The following CCDC160 variants were observed in gnomAD, a reference collection of about 807,000 sequenced individuals.
CCDC160 encodes coiled-coil domain containing 160.
For synonymous variants in CCDC160, 94 were observed against 79.4 expected, an observed-to-expected ratio of 1.18 and a Z score of -0.98; for missense variants, 227 against 215.6, an observed-to-expected ratio of 1.05 and a Z score of -0.33.
intron 1 of CCDC160, among the ~76,000 whole-genome samples, chrX:134,239,264 G>A (rs1479724340): frequency 8.9e-6 from 1 of 111,915 alleles, no homozygotes; most frequent in Non-Finnish European, 1.9e-5. Context: ...AAATGCCACA[G>A]AAGCACAGGA....
chrX:134,245,707 A>C, exon 2 of CCDC160: 2 of 1,194,737 alleles, frequency 1.7e-6, no homozygotes, highest in South Asian at 1.9e-5. Flanking sequence ...GGAGTTGCTT[A>C]GAAAATACTA....
intron 1 of CCDC160, among the ~76,000 whole-genome samples, chrX:134,239,351 C>T (rs2077020450): frequency 1.8e-5 from 2 of 111,923 alleles, no homozygotes; most frequent in African/African-American, 6.5e-5. Context: ...ATTGGTGCCT[C>T]TGAAATACAG....
At chrX:134,241,965 A>G (rs2077028723) in intron 1 of CCDC160, among the ~76,000 whole-genome samples, 2 of 112,165 alleles carry the variant, frequency 1.8e-5, no homozygotes, top group Non-Finnish European at 3.8e-5. Flanking sequence ...CTCGTTCTGC[A>G]TAAAAAAACA....
intron 1 of CCDC160, among the ~76,000 whole-genome samples, chrX:134,241,343 G>A: frequency 9.0e-6 from 1 of 111,070 alleles, no homozygotes; most frequent in East Asian, 2.8e-4. Flanking sequence ...TTTATCAGTG[G>A]TTCTCAAATT....
At chrX:134,240,135 G>A (rs1256179466) in intron 1 of CCDC160, among the ~76,000 whole-genome samples, 4 of 111,996 alleles carry the variant, frequency 3.6e-5, no homozygotes, top group Non-Finnish European at 7.5e-5. Flanking sequence ...GTAATGATGG[G>A]AGTGTTTTTG....
chrX:134,242,224 C>T (rs1472682917), intron 1 of CCDC160, among the ~76,000 whole-genome samples: 1 of 111,750 alleles, frequency 8.9e-6, no homozygotes, highest in Non-Finnish European at 1.9e-5. Context: ...TGCAGTTCTC[C>T]TTACCCTCCC....
downstream of CCDC160, among the ~76,000 whole-genome samples, chrX:134,246,598 C>T (rs1174961847): frequency 8.9e-6 from 1 of 112,131 alleles, no homozygotes; most frequent in Non-Finnish European, 1.9e-5. Context: ...TGGATGTCAT[C>T]TGGATAAACT....
exon 2 of CCDC160, chrX:134,244,973 A>G: frequency 1.7e-6 from 2 of 1,191,337 alleles, no homozygotes; most frequent in South Asian, 1.9e-5. Flanking sequence ...TTTCAGGAAG[A>G]AAGTAAATTT....
chrX:134,240,155 A>G (rs2077022720), intron 1 of CCDC160, among the ~76,000 whole-genome samples: 1 of 112,114 alleles, frequency 8.9e-6, no homozygotes, highest in African/African-American at 3.2e-5. Context: ...GTGTCTGGAA[A>G]CAGTGGAAGC....
At chrX:134,239,269 A>C (rs747707397) in intron 1 of CCDC160, among the ~76,000 whole-genome samples, 1 of 112,089 alleles carries the variant, frequency 8.9e-6, no homozygotes, top group Non-Finnish European at 1.9e-5. Flanking sequence ...CCACAGAAGC[A>C]CAGGAACAAT....
chrX:134,243,755 T>C (rs1423794093), intron 1 of CCDC160, among the ~76,000 whole-genome samples: 3 of 112,063 alleles, frequency 2.7e-5, no homozygotes, highest in Non-Finnish European at 5.6e-5. Flanking sequence ...TTTGGTGAAT[T>C]AATATATAAA....
Position 134,245,358 on chromosome X carries a change from C to T in CCDC160, c.558C>T (p.Pro186=), listed in dbSNP as rs763358898. The T allele has an allele frequency of 1.1e-5, 13 of 1,190,828 alleles. No individual in the cohort carries two copies. In the South Asian group the frequency reaches 2.3e-4, roughly 21 times the overall value. ...ACAAAAAAGAAATATTCACAAAACCCCTAAATTTTCAAGAAACAGAGACGG... is the reference window on the plus strand; with the variant it reads ...ACAAAAAAGAAATATTCACAAAACCTCTAAATTTTCAAGAAACAGAGACGG... The change falls in exon 2 of 2, where the codon CCC becomes CCT. Residue 186 remains proline (P), a synonymous_variant. Coordinates refer to ENST00000370809, the Ensembl canonical transcript of CCDC160.
intron 1 of CCDC160, among the ~76,000 whole-genome samples, chrX:134,242,091 A>G (rs2077029122): frequency 9.0e-6 from 1 of 111,257 alleles, no homozygotes; most frequent in South Asian, 3.8e-4. Flanking sequence ...CTTGCCAATG[A>G]AAGAGAGAAG....
chrX:134,243,321 G>A, intron 1 of CCDC160: 5 of 746,854 alleles, frequency 6.7e-6, no homozygotes, highest in Non-Finnish European at 7.9e-6. Flanking sequence ...TTTCCTCAAA[G>A]CCAAGTAGTT....
In CCDC160 at chrX:134,245,262, G is replaced by A. The variant is rs371886469; in HGVS notation, c.462G>A (p.Leu154=). The A allele has an allele frequency of 7.3e-4, 873 of 1,190,703 alleles. No individual in the cohort carries two copies. Among genetic ancestry groups the A allele is most frequent in the Middle Eastern group, 2.3e-3 (10 of 4,277 alleles). The change falls in exon 2 of 2, where the codon CTG becomes CTA. Residue 154 remains leucine (L), a synonymous_variant. Coordinates refer to ENST00000370809, the Ensembl canonical transcript of CCDC160. ...GCCTGAATCTTTTGAATGAAGAACTGGAAGAACTTAATATGAAATACAGAA... is the reference window on the plus strand; with the variant it reads ...GCCTGAATCTTTTGAATGAAGAACTAGAAGAACTTAATATGAAATACAGAA...
At chrX:134,239,828 C>T (rs961804524) in intron 1 of CCDC160, among the ~76,000 whole-genome samples, 6 of 111,743 alleles carry the variant, frequency 5.4e-5, no homozygotes, top group Non-Finnish European at 9.4e-5. Context: ...GGTATATTGT[C>T]CCTATTTTAC....
At chrX:134,241,177 T>C (rs1179945339) in intron 1 of CCDC160, among the ~76,000 whole-genome samples, 1 of 111,599 alleles carries the variant, frequency 9.0e-6, no homozygotes, top group Non-Finnish European at 1.9e-5. Context: ...TAAACAGTAG[T>C]GTATTATTTT....
At chrX:134,238,973 A>T (rs1422238275) in intron 1 of CCDC160, 133 bp downstream of exon 2, 1 of 112,108 alleles carries the variant, frequency 8.9e-6, no homozygotes, top group Admixed American at 9.5e-5. Flanking sequence ...TCATAAAAAT[A>T]CAAAGGAAAA....
exon 2 of CCDC160, chrX:134,245,056 A>T (rs1464848198): frequency 8.5e-7 from 1 of 1,182,094 alleles, no homozygotes; most frequent in East Asian, 3.0e-5. Flanking sequence ...CAAGAGAAAC[A>T]TTTCAAAGAA....
Sources: allele counts gnomAD v4.1 joint callset (sites outside exome capture counted in the v4.1 genomes callset), GRCh38; gene constraint gnomAD v4.1.1; transcripts MANE v1.5; gene names NCBI Gene and HGNC (gene_info 2026-07-23, HGNC 2026-07-21).